SOX5: variants seen among roughly 807,000 people sequenced by gnomAD.
SOX5 encodes the protein SRY-box transcription factor 5, also known as transcription factor SOX-5.
SOX5 carries 9 observed loss-of-function variants against 92.0 expected under a neutral mutation model. The observed-to-expected ratio is 0.10, with a 90% CI of 0.06 to 0.17. The LOEUF is 0.17. Ranked by LOEUF, SOX5 falls within the 10% of genes least tolerant of loss-of-function variation. The pLI is 1.00. For synonymous variants in SOX5, 344 were observed against 336.3 expected (o/e 1.02, Z -0.25); for missense variants, 642 against 944.5 (o/e 0.68, Z 4.20).
chr12:23,647,387 TA>T (rs1203128216), intron 7 of SOX5, among the ~76,000 whole-genome samples: 3 of 152,172 alleles, frequency 2.0e-5, no homozygotes, highest in Non-Finnish European at 2.9e-5. Flanking sequence ...GCTTAATTCT[TA>T]AAAAAACTAA....
At chr12:24,521,827 C>A (rs1201726151) in intron 1 of SOX5, among the ~76,000 whole-genome samples, 2 of 151,720 alleles carry the variant, frequency 1.3e-5, no homozygotes, top group Non-Finnish European at 2.9e-5. Flanking sequence ...ACAGAAAAGT[C>A]TGTGGCAACA....
chr12:24,278,342 G>T (rs1344704072), intron 2 of SOX5, among the ~76,000 whole-genome samples: 1 of 152,094 alleles, frequency 6.6e-6, no homozygotes, highest in Non-Finnish European at 1.5e-5. Flanking sequence ...ACAAAGAGAA[G>T]AATCCACATT....
chr12:23,602,541 G>C (rs955976465), intron 9 of SOX5, among the ~76,000 whole-genome samples: 5 of 151,994 alleles, frequency 3.3e-5, no homozygotes, highest in Non-Finnish European at 4.4e-5. Flanking sequence ...AGTGAATGTA[G>C]GTGTAAGAAA....
intron 4 of SOX5, among the ~76,000 whole-genome samples, chr12:24,053,439 CTCTTA>C (rs61477869): frequency 0.013 from 1,942 of 152,146 alleles, 41 homozygotes; most frequent in African/African-American, 0.043. Flanking sequence ...CCCGTACTCT[CTCTTA>C]TATCATACAC....
intron 1 of SOX5, among the ~76,000 whole-genome samples, chr12:24,533,812 A>G (rs1452205008): frequency 1.3e-5 from 2 of 152,200 alleles, no homozygotes; most frequent in African/African-American, 2.4e-5. Flanking sequence ...AATACAGAAA[A>G]TGTAGCTAAA....
At chr12:24,266,548 C>T (rs1020121853) in intron 3 of SOX5, among the ~76,000 whole-genome samples, 2 of 152,082 alleles carry the variant, frequency 1.3e-5, no homozygotes, top group African/African-American at 2.4e-5. Flanking sequence ...ACTATGATCT[C>T]AATTTAATTT....
chr12:24,169,258 A>C (rs1953785175), intron 4 of SOX5, among the ~76,000 whole-genome samples: 1 of 152,234 alleles, frequency 6.6e-6, no homozygotes, highest in South Asian at 2.1e-4. Flanking sequence ...TGTATTATTT[A>C]AAATTTCACA....
At chr12:23,618,506 C>CA (rs1380606824) in intron 8 of SOX5, among the ~76,000 whole-genome samples, 1 of 152,148 alleles carries the variant, frequency 6.6e-6, no homozygotes, top group East Asian at 1.9e-4. Flanking sequence ...TTTTGCATGT[C>CA]AAAAAACATA....
intron 1 of SOX5, among the ~76,000 whole-genome samples, chr12:24,424,977 T>A (rs1966538087): frequency 6.6e-6 from 1 of 152,096 alleles, no homozygotes; most frequent in African/African-American, 2.4e-5. Context: ...GTACGATAAG[T>A]GGCTGGTTAC....
At chr12:24,383,770 A>G (rs920999640) in intron 1 of SOX5, among the ~76,000 whole-genome samples, 1 of 152,118 alleles carries the variant, frequency 6.6e-6, no homozygotes, top group Non-Finnish European at 1.5e-5. Flanking sequence ...GTTGGGGGGT[A>G]CTGGGGCTTG....
At chr12:24,236,831 G>A (rs1594658052) in intron 3 of SOX5, among the ~76,000 whole-genome samples, 1 of 152,026 alleles carries the variant, frequency 6.6e-6, no homozygotes, top group African/African-American at 2.4e-5. Context: ...ATGAGTGCAG[G>A]TGAAAGTAAT....
At chr12:24,479,065 C>T (rs1178371634) in intron 1 of SOX5, among the ~76,000 whole-genome samples, 4 of 152,220 alleles carry the variant, frequency 2.6e-5, no homozygotes, top group Non-Finnish European at 5.9e-5. Flanking sequence ...CCAATCTGAA[C>T]TTCTCATTGT....
intron 4 of SOX5, among the ~76,000 whole-genome samples, chr12:23,959,352 T>C (rs73283618): frequency 0.056 from 8,568 of 151,876 alleles, 637 homozygotes; most frequent in East Asian, 0.36. Context: ...CCTAAACACA[T>C]AGAGAGAATT....
chr12:23,553,852 T>C (rs1944658047), intron 11 of SOX5, among the ~76,000 whole-genome samples: 1 of 152,122 alleles, frequency 6.6e-6, no homozygotes, highest in Admixed American at 6.5e-5. Flanking sequence ...TACAGAAACA[T>C]ATAGGATTAC....
intron 4 of SOX5, among the ~76,000 whole-genome samples, chr12:24,021,690 G>A (rs953365340): frequency 4.6e-5 from 7 of 152,150 alleles, no homozygotes; most frequent in East Asian, 1.9e-4. Flanking sequence ...TAATGATGCC[G>A]AATGTAATCC....
chr12:24,322,398 A>AAG (rs1565902319), intron 2 of SOX5, among the ~76,000 whole-genome samples: 1 of 152,088 alleles, frequency 6.6e-6, no homozygotes, highest in Non-Finnish European at 1.5e-5. Context: ...CATAAAAACT[A>AAG]AAGATAACAA....
At chr12:24,344,281 C>CAAAAAAAAAAAAAAAA (rs61660537) in intron 2 of SOX5, among the ~76,000 whole-genome samples, 1 of 104,288 alleles carries the variant, frequency 9.6e-6, no homozygotes, top group African/African-American at 3.6e-5. Flanking sequence ...GACTCTGTCT[C>CAAAAAAAAAAAAAAAA]AAAAAAAAAA....
chr12:24,002,570 T>TTTTTTTTTTTTTTGTTCTTTA (rs1951712642), intron 4 of SOX5, among the ~76,000 whole-genome samples: 5 of 132,038 alleles, frequency 3.8e-5, no homozygotes, highest in African/African-American at 1.6e-4. Flanking sequence ...ATTGAATTAG[T>TTTTTTTTTTTTTTGTTCTTTA]AATTTTCTTA....
intron 1 of SOX5, among the ~76,000 whole-genome samples, chr12:24,395,793 G>T (rs191059938): frequency 6.6e-6 from 1 of 152,268 alleles, no homozygotes; most frequent in East Asian, 1.9e-4. Context: ...TAATCTTCTA[G>T]AAGTCTCTAG....
Sources: gnomAD v4.1 joint callset for allele counts (sites outside exome capture counted in the v4.1 genomes callset) on GRCh38, gnomAD v4.1.1 for gene constraint, MANE v1.5 for transcripts, NCBI Gene and HGNC (gene_info 2026-07-23, HGNC 2026-07-21) for gene names.